Variants in ZNF106 observed in about 807,000 individuals in gnomAD.
ZNF106 encodes the protein SH3-domain binding protein 3.
A neutral mutation model predicts 195.1 loss-of-function variants in ZNF106; 67 were observed. The ratio of observed to expected loss-of-function variants is 0.34; its 90% CI spans 0.28 to 0.42. The LOEUF (loss-of-function observed/expected upper bound fraction) is 0.42. ZNF106 is among the 10% of genes least tolerant of loss of function. The pLI is 1.00. For missense variants in ZNF106, 2,118 were observed against 2,304.5 expected (o/e 0.92, Z 1.66); for synonymous variants, 784 against 818.6 (o/e 0.96, Z 0.72).
intron 14 of ZNF106, among the ~76,000 whole-genome samples, chr15:42,429,866 A>C (rs1478771033): frequency 6.6e-6 from 1 of 152,080 alleles, no homozygotes; most frequent in African/African-American, 2.4e-5. Context: ...GGTGAGCTAA[A>C]GCTAGACATA....
intron 14 of ZNF106, among the ~76,000 whole-genome samples, chr15:42,430,732 T>C (rs1215306741): frequency 1.3e-5 from 2 of 152,030 alleles, no homozygotes; most frequent in Non-Finnish European, 2.9e-5. Context: ...CCAAACCTGT[T>C]TGTCCTATCT....
chr15:42,448,309 G>C lies in ZNF106; in HGVS notation c.2898C>G (p.Asp966Glu). ...CCAAATGCATCAAAGGTATTATATG[G>C]TCAGAGGATAATTGTGCACTATGTC... Reference protein sequence around the residue: ...QRRHSAQLSSDHIIPLMHLAK... With the variant: ...QRRHSAQLSSEHIIPLMHLAK... Residue 966 changes from aspartate (D) to glutamate (E), a missense_variant, in exon 6 of 22, where the codon GAC becomes GAG. By Grantham distance (45) the Asp-to-Glu change is conservative (BLOSUM62 2). Coordinates refer to ENST00000564754, the MANE Select transcript of ZNF106 (RefSeq NM_001366845.3). 2 of 1,614,184 alleles carry C rather than the reference G, an allele frequency of 1.2e-6. No individual in the cohort carries two copies. Among genetic ancestry groups the C allele is most frequent in the Non-Finnish European group, 1.7e-6 (2 of 1,180,032 alleles).
At chr15:42,457,823 A>C (rs2056281627) in intron 3 of ZNF106, among the ~76,000 whole-genome samples, 1 of 152,194 alleles carries the variant, frequency 6.6e-6, no homozygotes, top group Non-Finnish European at 1.5e-5. Context: ...TGCCAAGCAA[A>C]TGTGTTTTCT....
rs552754464 is a variant in ZNF106 at position 42,466,161 on chromosome 15, A to G, written c.55-47T>C. 86 of 1,130,386 alleles carry G rather than the reference A, an allele frequency of 7.6e-5. 2 individuals are homozygous for G. The African/African-American group carries it at 1.3e-3, about 17-fold the overall frequency. The allele number at this position is 1,130,386 out of a possible 1,614,324, so 70.0% of individuals were successfully genotyped here. On this transcript the variant is annotated intron_variant, in intron 2 of 21. Coordinates refer to ENST00000564754, the MANE Select transcript of ZNF106 (RefSeq NM_001366845.3). ...ATTAAAACTAAGCAGGATTGCTTTGAAAAAAAAAAACTCCTCTGTTCCTCC... is the reference window on the plus strand; with the variant it reads ...ATTAAAACTAAGCAGGATTGCTTTGGAAAAAAAAAACTCCTCTGTTCCTCC...
In ZNF106 at chr15:42,466,178, T is replaced by C. The variant is rs961778489; in HGVS notation, c.55-64A>G. 10 of 1,336,696 alleles carry C rather than the reference T, an allele frequency of 7.5e-6. No individual in the cohort carries two copies. The African/African-American group carries it at 9.0e-5, about 12-fold the overall frequency. The allele number at this position is 1,336,696 out of a possible 1,614,324, so 82.8% of individuals were successfully genotyped here. On this transcript the variant is annotated intron_variant, in intron 2 of 21. Transcript: ENST00000564754. ...TTGCTTTGAAAAAAAAAAACTCCTCTGTTCCTCCTCAATCAAAAATTGGGG... is the reference window on the plus strand; with the variant it reads ...TTGCTTTGAAAAAAAAAAACTCCTCCGTTCCTCCTCAATCAAAAATTGGGG...
intron 3 of ZNF106, among the ~76,000 whole-genome samples, chr15:42,458,027 T>G (rs1174729021): frequency 1.3e-5 from 2 of 152,184 alleles, no homozygotes; most frequent in African/African-American, 2.4e-5. Flanking sequence ...GCTTTTTAGC[T>G]TCTGGAAATC....
In ZNF106 at chr15:42,491,128, C is replaced by T. The variant is rs1595507872; in HGVS notation, c.-181G>A. ...GGCCCCGCCACAGCCGCCGCCAACG[C>T]GCAGGCGCACACCGAAGCCGTCACG... On this transcript the variant is annotated 5_prime_UTR_variant, in exon 1 of 22. Transcript: ENST00000564754. The T allele has an allele frequency of 6.6e-6, 1 of 152,442 alleles. No homozygotes were observed. Among genetic ancestry groups the T allele is most frequent in the African/African-American group, 2.4e-5 (1 of 41,466 alleles). The allele number at this position is 152,442 out of a possible 1,614,324, so 9.4% of individuals were successfully genotyped here.
In ZNF106 at chr15:42,448,145, G is replaced by A. The variant is rs751581227; in HGVS notation, c.3062C>T (p.Thr1021Ile). 1 of 1,614,124 alleles carries A rather than the reference G, an allele frequency of 6.2e-7. No individual in the cohort carries two copies. Among genetic ancestry groups the A allele is most frequent in the Non-Finnish European group, 8.5e-7 (1 of 1,180,014 alleles). ...LAISSLADAATDSSCTSGAEQ... is the reference protein window; with the variant it reads ...LAISSLADAAIDSSCTSGAEQ... ...AGCACCAGAGGTACAGCTACTATCT[G>A]TGGCTGCATCCGCTAAACTGGAGAT... The change falls in exon 6 of 22, where the codon ACA (threonine) becomes ATA (isoleucine). Residue 1021 changes from threonine to isoleucine, a missense_variant. Transcript: ENST00000564754.
At position 42,442,337 on chromosome 15, in the gene ZNF106, T is replaced by C; in HGVS notation, c.3499A>G (p.Thr1167Ala). ...GGCAGCAGTGCGGCATCAATGGATG[T>C]TTGAGATCTACTGTTCCTTCGTTCT... ...TRERRNSRSQ[T>A]SIDAALLPTP... The change falls in exon 10 of 22, where the codon ACA (threonine) becomes GCA (alanine). Residue 1167 changes from threonine to alanine, a missense_variant. Coordinates refer to ENST00000564754, the MANE Select transcript of ZNF106 (RefSeq NM_001366845.3). The C allele has an allele frequency of 6.2e-7, 1 of 1,614,198 alleles. No individual in the cohort carries two copies. Among genetic ancestry groups the C allele is most frequent in the Non-Finnish European group, 8.5e-7 (1 of 1,180,034 alleles).
At chr15:42,422,736 C>G in intron 17 of ZNF106, 116 bp from the exon 18 acceptor site, 6 of 1,036,334 alleles carry the variant, frequency 5.8e-6, no homozygotes, top group Non-Finnish European at 5.3e-6. Context: ...ATAATTAATA[C>G]AATTAATTGT....
In ZNF106 at chr15:42,450,595, T is replaced by G; in HGVS notation, c.1677A>C (p.Arg559=). Residue 559 remains arginine (R), a synonymous_variant, in exon 5 of 22, where the codon CGA becomes CGC. Transcript: ENST00000564754. ...GACACTGTAGCACCTCTTTGGCCTT[T>G]CGTAAAGTATCATTTAAATTATCAC... ...QSGDNLNDTL[R]KAKEVLQCHE... is the part of the protein sequence containing the mutation. 1 of 1,614,222 alleles carries G rather than the reference T, an allele frequency of 6.2e-7. No homozygotes were observed. Among genetic ancestry groups the G allele is most frequent in the Non-Finnish European group, 8.5e-7 (1 of 1,180,046 alleles).
chr15:42,458,013 A>C (rs1415482567), intron 3 of ZNF106, among the ~76,000 whole-genome samples: 1 of 152,174 alleles, frequency 6.6e-6, no homozygotes, highest in Non-Finnish European at 1.5e-5. Context: ...TCAGTAATTT[A>C]ACTGCTTTTT....
chr15:42,480,013 G>A (rs995154851), intron 1 of ZNF106, among the ~76,000 whole-genome samples: 1 of 152,056 alleles, frequency 6.6e-6, no homozygotes, highest in African/African-American at 2.4e-5. Flanking sequence ...ACCACGCTGG[G>A]CTAATGGTCT....
At position 42,413,651 on chromosome 15, in the gene ZNF106, TAAAAC is replaced by T. The variant is rs1269744130; in HGVS notation, c.*3648_*3652del. The T allele has an allele frequency of 1.3e-5, 2 of 152,594 alleles. No individual in the cohort carries two copies. Among genetic ancestry groups the T allele is most frequent in the African/African-American group, 2.4e-5 (1 of 41,426 alleles). The allele number at this position is 152,594 out of a possible 1,614,324, so 9.5% of individuals were successfully genotyped here. ...ATAATCTACCAGCAAAAAGACAAAA[TAAAAC>T]CTGTGTTAAGCAAATAATCACTTAA... On this transcript the variant is annotated 3_prime_UTR_variant, in exon 22 of 22. Coordinates refer to ENST00000564754, the MANE Select transcript of ZNF106 (RefSeq NM_001366845.3).
intron 3 of ZNF106, among the ~76,000 whole-genome samples, chr15:42,460,269 A>C (rs2141387681): frequency 6.6e-6 from 1 of 152,296 alleles, no homozygotes; most frequent in East Asian, 1.9e-4. Flanking sequence ...TCTAATGCTC[A>C]AACTATCAAA....
At chr15:42,452,287 C>T (rs775097247) in intron 4 of ZNF106, among the ~76,000 whole-genome samples, 2 of 152,018 alleles carry the variant, frequency 1.3e-5, no homozygotes, top group Non-Finnish European at 2.9e-5. Context: ...CTTTGGGAGG[C>T]CGAGGCGGGC....
intron 2 of ZNF106, among the ~76,000 whole-genome samples, chr15:42,469,822 G>A (rs759394325): frequency 6.7e-6 from 1 of 149,952 alleles, no homozygotes; most frequent in Non-Finnish European, 1.5e-5. Context: ...TAGACAGCAG[G>A]GTAAGACCCT....
At position 42,449,408 on chromosome 15, in the gene ZNF106, C is replaced by A. The variant is rs564458580; in HGVS notation, c.2501+363G>T. On this transcript the variant is annotated intron_variant, in intron 5 of 21. Transcript: ENST00000564754. ...AGTTGTATTTAAAAGTTATAGCACG[C>A]ATTCCAAAATTAAGATCTAGAAAAA... Among the ~76,000 whole-genome samples the A allele has an allele frequency of 1.9e-3, 293 of 152,286 alleles. 1 individual carries two copies. The highest frequency in any genetic ancestry group is 6.8e-3 in the African/African-American group (282 of 41,552).
chr15:42,480,949 C>T (rs1053704025), intron 1 of ZNF106, among the ~76,000 whole-genome samples: 3 of 152,130 alleles, frequency 2.0e-5, no homozygotes, highest in South Asian at 2.1e-4. Context: ...AGCGCCACTG[C>T]ACTCCAGCCT....
Sources: allele counts gnomAD v4.1 joint callset (sites outside exome capture counted in the v4.1 genomes callset), GRCh38; gene constraint gnomAD v4.1.1; transcripts MANE v1.5; gene names NCBI Gene and HGNC (gene_info 2026-07-23, HGNC 2026-07-21).